The following FAF1 variants were observed in gnomAD, a reference collection of about 807,000 sequenced individuals.
FAF1 encodes the protein FAS-associated factor 1.
In FAF1, 25 loss-of-function variants were observed where a neutral mutation model predicts 92.5. The observed-to-expected ratio is 0.27, with a 90% confidence interval of 0.20 to 0.38. FAF1 has a LOEUF of 0.38. Among genes scored for constraint, FAF1 ranks in the 10% least tolerant of loss-of-function variants. FAF1 has a pLI of 1.00. For synonymous variants in FAF1, 234 were observed against 273.2 expected (o/e 0.86, Z 1.42); for missense variants, 636 against 793.3 (o/e 0.80, Z 2.38).
chr1:50,526,182 T>C (rs1176718649), intron 15 of FAF1, among the ~76,000 whole-genome samples: 1 of 152,124 alleles, frequency 6.6e-6, no homozygotes, highest in African/African-American at 2.4e-5. Flanking sequence ...TTTGTAGAGA[T>C]AGGGTTTTGC....
rs572966861 is a variant in FAF1, at chr1:50,819,209, CA to C, written c.115-17533del. ...TAGAGTAGAGCTGGGGGTTACTAAC[CA>C]AAAAAGAAATTTTCTGACATGATAG... On this transcript the variant is annotated intron_variant, in intron 2 of 18. Coordinates refer to ENST00000396153, the MANE Select transcript of FAF1 (RefSeq NM_007051.3). Among the ~76,000 whole-genome samples the C allele has an allele frequency of 3.7e-3, 567 of 151,738 alleles. 3 individuals are homozygous for C. Among genetic ancestry groups the C allele is most frequent in the African/African-American group, 0.013 (550 of 41,358 alleles).
At chr1:50,904,237 G>C (rs1644818007) in intron 1 of FAF1, among the ~76,000 whole-genome samples, 2 of 152,128 alleles carry the variant, frequency 1.3e-5, no homozygotes, top group African/African-American at 4.8e-5. Context: ...GCACCCTGAA[G>C]ACATTAATGA....
intron 13 of FAF1, among the ~76,000 whole-genome samples, chr1:50,557,842 G>C (rs1356017655): frequency 6.6e-6 from 1 of 151,964 alleles, no homozygotes; most frequent in East Asian, 1.9e-4. Context: ...TTTAATTTCA[G>C]GCAAGAAGAA....
In FAF1 at chr1:50,478,876, T is replaced by C. The variant is rs192540412; in HGVS notation, c.1654-3197A>G. On this transcript the variant is annotated intron_variant, in intron 17 of 18. Transcript: ENST00000396153. Reference sequence around the variant, plus strand: ...TTTGTAATTGTTTTAAAGTTTTTATTAAAGTATAACATACATATGAAAAAG... The same window carrying C: ...TTTGTAATTGTTTTAAAGTTTTTATCAAAGTATAACATACATATGAAAAAG... 1.4e-3 allele frequency among the ~76,000 whole-genome samples: 209 copies of C among 152,320 alleles called. 3 individuals are homozygous for C. The highest frequency in any genetic ancestry group is 5.0e-3 in the African/African-American group (208 of 41,572).
intron 2 of FAF1, among the ~76,000 whole-genome samples, chr1:50,823,171 C>A (rs1230179443): frequency 6.6e-6 from 1 of 152,184 alleles, no homozygotes; most frequent in East Asian, 1.9e-4. Flanking sequence ...AAAGCTATAT[C>A]TGCTTTATAT....
chr1:50,807,352 G>A (rs1662245217), intron 2 of FAF1, among the ~76,000 whole-genome samples: 1 of 152,258 alleles, frequency 6.6e-6, no homozygotes, highest in Non-Finnish European at 1.5e-5. Context: ...TAGAAGGCAT[G>A]GCTGGGAAGT....
At chr1:50,779,090 T>C (rs959267696) in intron 4 of FAF1, among the ~76,000 whole-genome samples, 1 of 152,186 alleles carries the variant, frequency 6.6e-6, no homozygotes, top group Non-Finnish European at 1.5e-5. Context: ...AGATTACATC[T>C]CAAGAAACCA....
At chr1:50,905,677 C>T (rs1644831846) in intron 1 of FAF1, among the ~76,000 whole-genome samples, 1 of 152,312 alleles carries the variant, frequency 6.6e-6, no homozygotes, top group East Asian at 1.9e-4. Context: ...GCATAAATGT[C>T]TTCTTTTGAG....
chr1:50,483,231 T>G (rs1646723452), intron 17 of FAF1, among the ~76,000 whole-genome samples: 1 of 151,856 alleles, frequency 6.6e-6, no homozygotes, highest in South Asian at 2.1e-4. Flanking sequence ...AAATATTCAA[T>G]TGTTGCAGCA....
chr1:50,849,916 TAC>T (rs1440818847), intron 2 of FAF1, among the ~76,000 whole-genome samples: 1 of 152,196 alleles, frequency 6.6e-6, no homozygotes, highest in Non-Finnish European at 1.5e-5. Flanking sequence ...AGCTCTTCCT[TAC>T]ACACCCTAGC....
intron 2 of FAF1, among the ~76,000 whole-genome samples, chr1:50,808,659 A>T (rs995587279): frequency 2.1e-5 from 3 of 145,292 alleles, no homozygotes; most frequent in African/African-American, 7.8e-5. Context: ...TAAAGATTTA[A>T]AAAAAAAAAA....
At chr1:50,790,435 C>T (rs956572179) in intron 3 of FAF1, among the ~76,000 whole-genome samples, 2 of 152,182 alleles carry the variant, frequency 1.3e-5, no homozygotes, top group South Asian at 2.1e-4. Flanking sequence ...CCACCGCACC[C>T]GGCTTTATTT....
intron 6 of FAF1, among the ~76,000 whole-genome samples, chr1:50,727,798 C>A (rs967370175): frequency 1.3e-5 from 2 of 152,160 alleles, no homozygotes; most frequent in Admixed American, 6.5e-5. Context: ...ATAAAGCAGG[C>A]CGACTCCAAG....
chr1:50,526,182 T>G (rs1176718649), intron 15 of FAF1, among the ~76,000 whole-genome samples: 2 of 152,124 alleles, frequency 1.3e-5, no homozygotes, highest in Non-Finnish European at 2.9e-5. Flanking sequence ...TTTGTAGAGA[T>G]AGGGTTTTGC....
chr1:50,855,644 A>T (rs535538228), intron 2 of FAF1, among the ~76,000 whole-genome samples: 1 of 152,022 alleles, frequency 6.6e-6, no homozygotes, highest in East Asian at 1.9e-4. Context: ...GATTATTCAA[A>T]ATATTTGTTT....
At chr1:50,477,961 A>G (rs1239223272) in intron 17 of FAF1, among the ~76,000 whole-genome samples, 1 of 152,220 alleles carries the variant, frequency 6.6e-6, no homozygotes, top group East Asian at 1.9e-4. Context: ...CATAGCCTCT[A>G]CTTCTAGTAA....
rs1318987595 is a variant in FAF1 at position 50,439,502 on chromosome 1, T to A, written c.*1938A>T. 6.6e-6 allele frequency: 1 copy of A among 152,188 alleles called. No individual in the cohort carries two copies. Among genetic ancestry groups the A allele is most frequent in the Non-Finnish European group, 1.5e-5 (1 of 68,032 alleles). The allele number at this position is 152,188 out of a possible 1,614,324, so 9.4% of individuals were successfully genotyped here. A position where few individuals can be genotyped will look rare whatever the true frequency, so the allele number is the denominator to read the frequency against. On this transcript the variant is annotated 3_prime_UTR_variant, in exon 19 of 19. Transcript: ENST00000396153. Reference sequence around the variant, plus strand: ...CTTTAGAGTAAAGTCTATATTGTTGTAATACAGAAGTGAAGGTGAGTGGGA... The same window carrying A: ...CTTTAGAGTAAAGTCTATATTGTTGAAATACAGAAGTGAAGGTGAGTGGGA...
intron 9 of FAF1, among the ~76,000 whole-genome samples, chr1:50,595,037 CTAT>C (rs1572857445): frequency 6.6e-6 from 1 of 151,582 alleles, no homozygotes; most frequent in African/African-American, 2.4e-5. Flanking sequence ...TATGCCATCA[CTAT>C]TATTATTATC....
chr1:50,504,730 A>T (rs1647031943), intron 15 of FAF1, among the ~76,000 whole-genome samples: 1 of 152,248 alleles, frequency 6.6e-6, no homozygotes, highest in African/African-American at 2.4e-5. Context: ...CACTGAAGCC[A>T]CCTCACCTAT....
Sources: gnomAD v4.1 joint callset for allele counts (sites outside exome capture counted in the v4.1 genomes callset) on GRCh38, gnomAD v4.1.1 for gene constraint, MANE v1.5 for transcripts, NCBI Gene and HGNC (gene_info 2026-07-23, HGNC 2026-07-21) for gene names.